Variants in SMYD3 observed in about 807,000 individuals in gnomAD.
SMYD3 encodes the protein SET and MYND domain containing 3.
A neutral mutation model predicts 57.7 loss-of-function variants in SMYD3; 36 were observed. The ratio of observed to expected loss-of-function variants is 0.62; its 90% confidence interval spans 0.48 to 0.82. The LOEUF (loss-of-function observed/expected upper bound fraction) is 0.82. Ranked by LOEUF, SMYD3 falls within the 40% of genes least tolerant of loss-of-function variation. The pLI, the probability that SMYD3 is intolerant of heterozygous loss-of-function variation, is 0.00. For missense variants in SMYD3, 515 were observed against 538.8 expected, an observed-to-expected ratio of 0.96 and a Z score of 0.44; for synonymous variants, 211 against 195.0, an observed-to-expected ratio of 1.08 and a Z score of -0.68.
chr1:246,396,772 C>T (rs111330408), intron 1 of SMYD3, among the ~76,000 whole-genome samples: 50 of 152,296 alleles, frequency 3.3e-4, no homozygotes, highest in African/African-American at 1.1e-3. Context: ...TGCTTGCTTC[C>T]GCTTTGTCTT....
At chr1:246,067,820 T>C (rs1218225494) in intron 5 of SMYD3, among the ~76,000 whole-genome samples, 1 of 152,140 alleles carries the variant, frequency 6.6e-6, no homozygotes, top group African/African-American at 2.4e-5. Flanking sequence ...TTTTACAGGC[T>C]GTTGTATGTG....
chr1:245,829,443 C>T (rs1007052344), intron 10 of SMYD3, among the ~76,000 whole-genome samples: 1 of 151,994 alleles, frequency 6.6e-6, no homozygotes, highest in African/African-American at 2.4e-5. Flanking sequence ...TACTACCGCC[C>T]ATCCACTAAA....
intron 10 of SMYD3, among the ~76,000 whole-genome samples, chr1:245,767,744 C>T (rs2148072176): frequency 6.6e-6 from 1 of 152,266 alleles, no homozygotes; most frequent in South Asian, 2.1e-4. Flanking sequence ...TGTGCAGAGG[C>T]ACACACACGT....
chr1:245,772,274 T>A (rs541506474), intron 10 of SMYD3, among the ~76,000 whole-genome samples: 1 of 152,368 alleles, frequency 6.6e-6, no homozygotes, highest in South Asian at 2.1e-4. Flanking sequence ...ATGAAATTTT[T>A]CTTGCATTTC....
chr1:245,919,542 G>C (rs2055708031), intron 7 of SMYD3, among the ~76,000 whole-genome samples: 1 of 152,198 alleles, frequency 6.6e-6, no homozygotes, highest in Admixed American at 6.5e-5. Context: ...TGCCAATGAA[G>C]TCTGCAGAAT....
rs1006763896 is a variant in SMYD3, at chr1:246,478,384, A to G, written c.164+28670T>C. Among the ~76,000 whole-genome samples the G allele has an allele frequency of 4.5e-4, 65 of 144,768 alleles. No individual in the cohort carries two copies. The Middle Eastern group carries it at 0.012, about 27-fold the overall frequency. 95.0% of individuals were successfully genotyped at this position (144,768 alleles called of 152,430 possible). ...CTGTCCTCTGTCCTGGAGCTGGTAC[A>G]TAAGTGCTCATATATGCACACCTGT... On this transcript the variant is annotated intron_variant, in intron 1 of 11. Coordinates refer to ENST00000490107, the MANE Select transcript of SMYD3 (RefSeq NM_001167740.2).
chr1:245,904,002 C>T (rs1287795890), intron 8 of SMYD3, among the ~76,000 whole-genome samples: 1 of 152,176 alleles, frequency 6.6e-6, no homozygotes, highest in Non-Finnish European at 1.5e-5. Context: ...TTTCTGTAGC[C>T]AGCTTGAATT....
chr1:246,255,724 G>C (rs1572287325), intron 5 of SMYD3, among the ~76,000 whole-genome samples: 1 of 148,986 alleles, frequency 6.7e-6, no homozygotes, highest in Non-Finnish European at 1.5e-5. Flanking sequence ...GCTCCTATTT[G>C]TACAATACAT....
At chr1:246,167,226 AAATACT>A (rs774515763) in intron 5 of SMYD3, among the ~76,000 whole-genome samples, 21 of 152,220 alleles carry the variant, frequency 1.4e-4, no homozygotes, top group Admixed American at 5.9e-4. Context: ...TCACTATTGT[AAATACT>A]AATACTATTT....
intron 8 of SMYD3, among the ~76,000 whole-genome samples, chr1:245,901,185 C>G (rs545850905): frequency 6.6e-6 from 1 of 152,156 alleles, no homozygotes; most frequent in East Asian, 1.9e-4. Context: ...GTCATGACAT[C>G]TGGGTGTCAG....
chr1:246,317,982 T>A (rs1277414385), intron 5 of SMYD3, among the ~76,000 whole-genome samples: 2 of 152,236 alleles, frequency 1.3e-5, no homozygotes, highest in Non-Finnish European at 2.9e-5. Flanking sequence ...GCAGTCTCTA[T>A]GAGTCAGAGC....
intron 5 of SMYD3, among the ~76,000 whole-genome samples, chr1:246,299,251 C>T (rs1267534702): frequency 6.6e-6 from 1 of 152,102 alleles, no homozygotes; most frequent in African/African-American, 2.4e-5. Flanking sequence ...AAAAGCTCAA[C>T]ATCACTGATC....
chr1:245,955,849 C>T, intron 5 of SMYD3: 1 of 749,490 alleles, frequency 1.3e-6, no homozygotes, highest in Non-Finnish European at 1.6e-6. Flanking sequence ...AATCATACTG[C>T]ATTGATGATT....
chr1:246,441,040 G>A (rs183783246), intron 1 of SMYD3, among the ~76,000 whole-genome samples: 13 of 152,276 alleles, frequency 8.5e-5, no homozygotes, highest in Admixed American at 7.2e-4. Flanking sequence ...TTACGTAGAA[G>A]TAAATTATAG....
At chr1:246,384,448 T>C (rs922011469) in intron 1 of SMYD3, among the ~76,000 whole-genome samples, 1 of 151,840 alleles carries the variant, frequency 6.6e-6, no homozygotes, top group Non-Finnish European at 1.5e-5. Context: ...CAAGCTAGAG[T>C]GCAGTGGTGC....
chr1:246,227,750 C>T (rs371050372), intron 5 of SMYD3, among the ~76,000 whole-genome samples: 1 of 152,142 alleles, frequency 6.6e-6, no homozygotes, highest in African/African-American at 2.4e-5. Context: ...ACAGTTTGAA[C>T]TTGAAGAGAT....
chr1:246,263,350 T>TA (rs746639368), intron 5 of SMYD3, among the ~76,000 whole-genome samples: 24,383 of 152,088 alleles, frequency 0.16, 2,430 homozygotes, highest in East Asian at 0.34. Flanking sequence ...GTATGTGACC[T>TA]GGGCACATAC....
At chr1:246,206,915 C>G (rs1446510035) in intron 5 of SMYD3, among the ~76,000 whole-genome samples, 11 of 152,204 alleles carry the variant, frequency 7.2e-5, no homozygotes, top group African/African-American at 2.4e-4. Flanking sequence ...AAAAATAACT[C>G]GTATTAATTA....
intron 5 of SMYD3, among the ~76,000 whole-genome samples, chr1:245,952,411 TAAAGAA>T (rs930599507): frequency 4.6e-5 from 7 of 152,046 alleles, no homozygotes; most frequent in African/African-American, 7.2e-5. Flanking sequence ...CCGATTGTAA[TAAAGAA>T]AAAGAAAAAG....
Sources: allele counts gnomAD v4.1 joint callset (sites outside exome capture counted in the v4.1 genomes callset), GRCh38; gene constraint gnomAD v4.1.1; transcripts MANE v1.5; gene names NCBI Gene and HGNC (gene_info 2026-07-23, HGNC 2026-07-21).